The following ATP8A2 variants were observed in gnomAD, a reference collection of about 807,000 sequenced individuals.
The protein encoded by ATP8A2 is phospholipid-transporting ATPase IB.
ATP8A2 carries 100 observed loss-of-function variants against 165.6 expected under a neutral mutation model. That is an observed-to-expected ratio of 0.60 (90% CI 0.51 to 0.71). The LOEUF is 0.71. ATP8A2 is among the 30% of genes least tolerant of loss of function. The pLI is 0.00. For synonymous variants in ATP8A2, 543 were observed against 548.8 expected (o/e 0.99, Z 0.15); for missense variants, 1,227 against 1,479.5 (o/e 0.83, Z 2.80).
At chr13:25,767,095 C>T (rs1364702091) in intron 25 of ATP8A2, among the ~76,000 whole-genome samples, 4 of 152,200 alleles carry the variant, frequency 2.6e-5, no homozygotes, top group African/African-American at 9.7e-5. Context: ...TATATTTGAT[C>T]TGTGGTTCTG....
intron 33 of ATP8A2, among the ~76,000 whole-genome samples, chr13:25,878,882 ACTCT>A (rs755243653): frequency 1.3e-4 from 20 of 151,118 alleles, no homozygotes; most frequent in Admixed American, 2.0e-4. Context: ...CTGCCTTCCC[ACTCT>A]CTCTCCCTCA....
At position 26,020,429 on chromosome 13, in the gene ATP8A2, A is replaced by G. The variant is rs1210152101; in HGVS notation, c.*444A>G. 1 of 157,816 alleles carries G rather than the reference A, an allele frequency of 6.3e-6. No homozygotes were observed. Among genetic ancestry groups the G allele is most frequent in the Admixed American group, 6.4e-5 (1 of 15,530 alleles). The allele number at this position is 157,816 out of a possible 1,614,324, so 9.8% of individuals were successfully genotyped here. On this transcript the variant is annotated 3_prime_UTR_variant, in exon 37 of 37. Transcript: ENST00000381655. The stretch of plus-strand genomic sequence containing the variant: ...TCAGAGGTTAAGTCCAACGGGCCAC[A>G]TGCAGACTTCACTGTAGGCAGGTTG...
At chr13:25,865,278 A>G (rs1952475548) in intron 33 of ATP8A2, among the ~76,000 whole-genome samples, 1 of 152,148 alleles carries the variant, frequency 6.6e-6, no homozygotes, top group Non-Finnish European at 1.5e-5. Flanking sequence ...TTTTAAAATG[A>G]CTGTTTGAAG....
intron 24 of ATP8A2, among the ~76,000 whole-genome samples, chr13:25,657,808 C>A: frequency 6.6e-6 from 1 of 152,100 alleles, no homozygotes; most frequent in South Asian, 2.1e-4. Flanking sequence ...TGCGTTAACA[C>A]GTAATTTAGT....
intron 27 of ATP8A2, among the ~76,000 whole-genome samples, chr13:25,796,208 G>A (rs7335717): frequency 0.021 from 3,121 of 152,132 alleles, 98 homozygotes; most frequent in African/African-American, 0.071. Context: ...TTTGGCCTCC[G>A]AAAGTGCTGG....
chr13:25,925,882 T>A (rs908865802), intron 33 of ATP8A2, among the ~76,000 whole-genome samples: 2 of 151,868 alleles, frequency 1.3e-5, no homozygotes, highest in Non-Finnish European at 2.9e-5. Flanking sequence ...CGCGCCACCA[T>A]GCCTGCCTAA....
intron 24 of ATP8A2, among the ~76,000 whole-genome samples, chr13:25,688,305 T>C (rs1036759005): frequency 6.6e-6 from 1 of 152,002 alleles, no homozygotes; most frequent in African/African-American, 2.4e-5. Context: ...AAATAAAGAA[T>C]GGTGAGGAGA....
intron 1 of ATP8A2, among the ~76,000 whole-genome samples, chr13:25,385,049 C>A (rs776907870): frequency 1.3e-5 from 2 of 152,218 alleles, no homozygotes; most frequent in Non-Finnish European, 2.9e-5. Flanking sequence ...GGGAAGCCGT[C>A]TCCAAAGGGC....
intron 33 of ATP8A2, among the ~76,000 whole-genome samples, chr13:25,914,922 T>C (rs534612996): frequency 6.6e-6 from 1 of 152,328 alleles, no homozygotes; most frequent in Non-Finnish European, 1.5e-5. Flanking sequence ...TCCCGATTTG[T>C]TAGGATTTGG....
At chr13:25,687,512 C>T (rs2042627458) in intron 24 of ATP8A2, among the ~76,000 whole-genome samples, 1 of 152,124 alleles carries the variant, frequency 6.6e-6, no homozygotes, top group Non-Finnish European at 1.5e-5. Context: ...TCCCAGCAGG[C>T]CTTCCCACTG....
chr13:25,758,844 C>T (rs1003954397), intron 25 of ATP8A2, among the ~76,000 whole-genome samples: 2 of 151,998 alleles, frequency 1.3e-5, no homozygotes, highest in South Asian at 2.1e-4. Flanking sequence ...TATTATTTCC[C>T]GCTATTGAGA....
chr13:25,470,651 T>C (rs7329734), intron 2 of ATP8A2, among the ~76,000 whole-genome samples: 19,316 of 152,172 alleles, frequency 0.13, 1,422 homozygotes, highest in Non-Finnish European at 0.18. Flanking sequence ...ACACAAAAAC[T>C]CATACACATA....
At chr13:25,644,919 T>A (rs540663578) in intron 24 of ATP8A2, among the ~76,000 whole-genome samples, 1 of 152,286 alleles carries the variant, frequency 6.6e-6, no homozygotes, top group South Asian at 2.1e-4. Context: ...CATTGCTGAT[T>A]TTATTTATTT....
intron 33 of ATP8A2, among the ~76,000 whole-genome samples, chr13:25,936,938 C>T (rs1050022009): frequency 2.0e-5 from 3 of 152,160 alleles, no homozygotes; most frequent in Non-Finnish European, 2.9e-5. Context: ...TACAGCCCTC[C>T]GCTTATTGAA....
At chr13:25,423,107 G>A (rs891560176) in intron 1 of ATP8A2, among the ~76,000 whole-genome samples, 1 of 152,100 alleles carries the variant, frequency 6.6e-6, no homozygotes, top group Admixed American at 6.6e-5. Context: ...ATGACGGAAG[G>A]CATCAACTTC....
intron 1 of ATP8A2, among the ~76,000 whole-genome samples, chr13:25,380,383 C>T (rs2032793773): frequency 1.3e-5 from 2 of 152,152 alleles, no homozygotes; most frequent in Non-Finnish European, 2.9e-5. Flanking sequence ...ATCTTTGCCG[C>T]GCAGTAGAGT....
At chr13:25,705,110 A>G in intron 25 of ATP8A2, 1 of 405,456 alleles carries the variant, frequency 2.5e-6, no homozygotes, top group Admixed American at 3.2e-5. Context: ...ATGTTCAAGA[A>G]AGAGTTATCT....
At chr13:25,446,824 C>G (rs2035081423) in intron 1 of ATP8A2, among the ~76,000 whole-genome samples, 1 of 151,092 alleles carries the variant, frequency 6.6e-6, no homozygotes, top group African/African-American at 2.4e-5. Context: ...TATAAGAGAA[C>G]TTTGATTTTT....
intron 27 of ATP8A2, among the ~76,000 whole-genome samples, chr13:25,783,558 A>G (rs1045482034): frequency 9.2e-5 from 14 of 152,188 alleles, no homozygotes; most frequent in African/African-American, 3.4e-4. Context: ...GCTTAGAGGA[A>G]GACAGCTTGC....
Sources: allele counts gnomAD v4.1 joint callset (sites outside exome capture counted in the v4.1 genomes callset), GRCh38; gene constraint gnomAD v4.1.1; transcripts MANE v1.5; gene names NCBI Gene and HGNC (gene_info 2026-07-23, HGNC 2026-07-21).